The following ADAM18 variants were observed in gnomAD, a reference collection of about 807,000 sequenced individuals.
ADAM18 encodes disintegrin and metalloproteinase domain-containing protein 18.
A neutral mutation model predicts 94.4 loss-of-function variants in ADAM18; 117 were observed. That is an observed-to-expected ratio of 1.24 (90% CI 1.07 to 1.45). The LOEUF is 1.45. Ranked by LOEUF, ADAM18 falls within the 40% of genes most tolerant of loss-of-function variation. The probability of loss-of-function intolerance (pLI) is 0.00; values close to 1 mark genes in which losing one functional copy is unlikely to be tolerated. For synonymous variants in ADAM18, 327 were observed against 291.6 expected (o/e 1.12, Z -1.24); for missense variants, 936 against 880.0 (o/e 1.06, Z -0.81).
At chr8:39,681,294 A>G (rs1360929037) in intron 16 of ADAM18, among the ~76,000 whole-genome samples, 2 of 152,156 alleles carry the variant, frequency 1.3e-5, no homozygotes, top group Admixed American at 6.5e-5. Flanking sequence ...TCAGTTCAAC[A>G]GCCTGTGAGG....
chr8:39,728,818 T>C (rs1333157312), intron 19 of ADAM18, among the ~76,000 whole-genome samples: 1 of 152,210 alleles, frequency 6.6e-6, no homozygotes, highest in Non-Finnish European at 1.5e-5. Flanking sequence ...TTTGATTTTG[T>C]TTTTAAATAT....
intron 9 of ADAM18, among the ~76,000 whole-genome samples, chr8:39,637,930 G>A (rs1820130590): frequency 6.6e-6 from 1 of 151,854 alleles, no homozygotes. Flanking sequence ...TCAAAAACCT[G>A]CATTTCATGA....
chr8:39,663,598 C>CAAAAAAAAAAAAA (rs10597769), intron 12 of ADAM18, among the ~76,000 whole-genome samples, 197 bp from the exon 13 acceptor site: 11 of 19,582 alleles, frequency 5.6e-4, no homozygotes, highest in Middle Eastern at 0.038. Context: ...AATCCTGTCT[C>CAAAAAAAAAAAAA]AAAAAAAAAA....
chr8:39,616,021 A>G (rs1056761344), intron 6 of ADAM18, among the ~76,000 whole-genome samples: 1 of 152,220 alleles, frequency 6.6e-6, no homozygotes, highest in Non-Finnish European at 1.5e-5. Context: ...CTCTATAATG[A>G]GAATCACAAA....
intron 16 of ADAM18, among the ~76,000 whole-genome samples, chr8:39,684,737 A>AATGTCT (rs2129580668): frequency 6.6e-6 from 1 of 152,238 alleles, no homozygotes; most frequent in African/African-American, 2.4e-5. Context: ...AGTTTCTTAT[A>AATGTCT]ATTTCTTATA....
intron 11 of ADAM18, among the ~76,000 whole-genome samples, chr8:39,646,692 G>A (rs1563289450): frequency 6.6e-6 from 1 of 152,110 alleles, no homozygotes; most frequent in East Asian, 1.9e-4. Context: ...TATTTGAAAT[G>A]TGTGTTGTGC....
chr8:39,665,603 A>G (rs374258216), intron 13 of ADAM18, among the ~76,000 whole-genome samples: 1 of 152,218 alleles, frequency 6.6e-6, no homozygotes, highest in African/African-American at 2.4e-5. Flanking sequence ...GAATGTAAAC[A>G]CTAAAACTAT....
chr8:39,586,757 T>TATCTATC (rs1174336817), intron 2 of ADAM18, among the ~76,000 whole-genome samples: 1 of 48,190 alleles, frequency 2.1e-5, no homozygotes, highest in African/African-American at 1.4e-4. Context: ...AACAAAAAAC[T>TATCTATC]ATCTATCTAT....
intron 12 of ADAM18, among the ~76,000 whole-genome samples, chr8:39,652,463 C>T (rs949826762): frequency 6.6e-6 from 1 of 152,074 alleles, no homozygotes; most frequent in Non-Finnish European, 1.5e-5. Context: ...CACTAATAAT[C>T]ACAGTAATTC....
chr8:39,653,408 A>C (rs934218876), intron 12 of ADAM18, among the ~76,000 whole-genome samples: 1 of 152,218 alleles, frequency 6.6e-6, no homozygotes, highest in African/African-American at 2.4e-5. Flanking sequence ...ACATTATATA[A>C]GTAAACAACA....
At chr8:39,700,456 T>A (rs1822035123) in intron 17 of ADAM18, among the ~76,000 whole-genome samples, 1 of 151,440 alleles carries the variant, frequency 6.6e-6, no homozygotes, top group African/African-American at 2.5e-5. Flanking sequence ...CTCACTGAAA[T>A]TTGAAAAAAT....
chr8:39,621,789 G>T (rs1437041302), intron 6 of ADAM18, among the ~76,000 whole-genome samples: 1 of 152,166 alleles, frequency 6.6e-6, no homozygotes, highest in African/African-American at 2.4e-5. Context: ...TATGGATGGA[G>T]CTGGAAGCTG....
chr8:39,666,721 A>G (rs892844039), intron 13 of ADAM18, among the ~76,000 whole-genome samples: 3 of 152,202 alleles, frequency 2.0e-5, no homozygotes, highest in African/African-American at 7.2e-5. Context: ...TGTGAGACCT[A>G]TTCACTATCA....
At chr8:39,718,632 G>A (rs535798418) in intron 18 of ADAM18, among the ~76,000 whole-genome samples, 64 of 151,526 alleles carry the variant, frequency 4.2e-4, no homozygotes, top group African/African-American at 1.4e-3. Flanking sequence ...GAGATCTGCT[G>A]TACAACATTG....
rs777980562 is a variant in ADAM18 at position 39,677,416 on chromosome 8, T to A, written c.1526-15T>A. 64 of 1,574,652 alleles carry A rather than the reference T, an allele frequency of 4.1e-5. No individual in the cohort carries two copies. The highest frequency in any genetic ancestry group is 4.7e-5 in the Non-Finnish European group (54 of 1,156,534). On this transcript the variant is annotated splice_polypyrimidine_tract_variant and intron_variant, in intron 14 of 19. Transcript: ENST00000265707. ...ATTAAGAATGATAATTCAACTGACA[T>A]GTTTGCATTTTAAGGTGCTCAAGGT...
chr8:39,709,644 G>T (rs911756970), intron 18 of ADAM18, among the ~76,000 whole-genome samples: 1 of 152,124 alleles, frequency 6.6e-6, no homozygotes, highest in African/African-American at 2.4e-5. Flanking sequence ...GTTATTGGGT[G>T]TCTGGTGAGG....
At position 39,718,049 on chromosome 8, in the gene ADAM18, T is replaced by A. The variant is rs982142272; in HGVS notation, c.2018-5699T>A. On this transcript the variant is annotated intron_variant, in intron 18 of 19. Transcript: ENST00000265707. ...ATGATGAGATATCACCTCATACCTG[T>A]CAGGATGACTATTATTTTTCAACAA... Among the ~76,000 whole-genome samples, 4 of 151,492 alleles carry A rather than the reference T, an allele frequency of 2.6e-5. 1 individual carries two copies. The East Asian group carries it at 7.7e-4, about 29-fold the overall frequency.
At chr8:39,621,309 TCACACACACA>T (rs55818122) in intron 6 of ADAM18, among the ~76,000 whole-genome samples, 6,287 of 128,880 alleles carry the variant, frequency 0.049, 223 homozygotes, top group African/African-American at 0.1. Context: ...CATGACAAAA[TCACACACACA>T]CACACACACA....
chr8:39,592,949 T>C (rs1272608788), intron 2 of ADAM18, among the ~76,000 whole-genome samples: 1 of 152,184 alleles, frequency 6.6e-6, no homozygotes, highest in Admixed American at 6.6e-5. Context: ...AAATCTGTTG[T>C]TTAGTAGAGC....
Sources: allele counts gnomAD v4.1 joint callset (sites outside exome capture counted in the v4.1 genomes callset), GRCh38; gene constraint gnomAD v4.1.1; transcripts MANE v1.5; gene names NCBI Gene and HGNC (gene_info 2026-07-23, HGNC 2026-07-21).